DTNBP1: variants seen among roughly 807,000 people sequenced by gnomAD.
DTNBP1 encodes dystrobrevin binding protein 1, also known as dysbindin.
A neutral mutation model predicts 42.8 loss-of-function variants in DTNBP1; 35 were observed. The ratio of observed to expected loss-of-function variants is 0.82; its 90% confidence interval spans 0.63 to 1.09. The LOEUF (loss-of-function observed/expected upper bound fraction) is 1.09, where lower values mean the gene tolerates loss of function less well. Among genes scored for constraint, DTNBP1 ranks in the 50% least tolerant of loss-of-function variants. The probability of loss-of-function intolerance (pLI) is 0.00; values close to 1 mark genes in which losing one functional copy is unlikely to be tolerated. For synonymous variants in DTNBP1, 171 were observed against 162.2 expected (o/e 1.05, Z -0.41); for missense variants, 457 against 424.2 (o/e 1.08, Z -0.68).
At chr6:15,585,651 C>T in intron 7 of DTNBP1, 1 of 1,501,792 alleles carries the variant, frequency 6.7e-7, no homozygotes, top group South Asian at 1.2e-5. Flanking sequence ...AGCAATGTAT[C>T]CAGGCATGGA....
At position 15,570,311 on chromosome 6, in the gene DTNBP1, T is replaced by A. The variant is rs370397877; in HGVS notation, c.511+22748A>T. Among the ~76,000 whole-genome samples, 5 of 152,362 alleles carry A rather than the reference T, an allele frequency of 3.3e-5. No homozygotes were observed. In the South Asian group the frequency reaches 6.2e-4, roughly 19 times the overall value. On this transcript the variant is annotated intron_variant, in intron 7 of 9. Coordinates refer to ENST00000344537, the MANE Select transcript of DTNBP1 (RefSeq NM_032122.5). ...AAGCAACTATCTTACTGTTTTTCTG[T>A]TTCTTCCTTGTAGACTGCCAGCTTC...
At chr6:15,612,787 T>C (rs992968416) in intron 6 of DTNBP1, among the ~76,000 whole-genome samples, 7 of 152,258 alleles carry the variant, frequency 4.6e-5, no homozygotes, top group Non-Finnish European at 8.8e-5. Context: ...CTCAAAATTC[T>C]AGGCCTTCTT....
chr6:15,638,271 G>A lies in DTNBP1; in HGVS notation c.162-467C>T, dbSNP rs571700338. Among the ~76,000 whole-genome samples, 5 of 152,184 alleles carry A rather than the reference G, an allele frequency of 3.3e-5. No homozygotes were observed. The South Asian group carries it at 1.0e-3, about 32-fold the overall frequency. On this transcript the variant is annotated intron_variant, in intron 3 of 9. Coordinates refer to ENST00000344537, the MANE Select transcript of DTNBP1 (RefSeq NM_032122.5). ...GCCTCCCGAGTAGCTGGGATTACAG[G>A]TGTGTGCCACCACGCCCTGCTAATT...
chr6:15,662,286 G>A (rs1251857079), intron 1 of DTNBP1, among the ~76,000 whole-genome samples: 1 of 152,258 alleles, frequency 6.6e-6, no homozygotes, highest in Non-Finnish European at 1.5e-5. Flanking sequence ...CTTGCCAAGG[G>A]TTAGGCCGGC....
At position 15,605,274 on chromosome 6, in the gene DTNBP1, A is replaced by G. The variant is rs577465058; in HGVS notation, c.488+9993T>C. On this transcript the variant is annotated intron_variant, in intron 6 of 9. Coordinates refer to ENST00000344537, the MANE Select transcript of DTNBP1 (RefSeq NM_032122.5). ...TCTAAGGATTATGGTGGCACTGGAAAGATTAAAAATCTAGAAGGTTGAGAT... is the reference window on the plus strand; with the variant it reads ...TCTAAGGATTATGGTGGCACTGGAAGGATTAAAAATCTAGAAGGTTGAGAT... 3.9e-5 allele frequency among the ~76,000 whole-genome samples: 6 copies of G among 152,374 alleles called. No homozygotes were observed. In the South Asian group the frequency reaches 1.2e-3, roughly 32 times the overall value.
At chr6:15,619,246 TGAG>T (rs1758902118) in intron 5 of DTNBP1, among the ~76,000 whole-genome samples, 1 of 152,214 alleles carries the variant, frequency 6.6e-6, no homozygotes, top group Non-Finnish European at 1.5e-5. Flanking sequence ...AAATGATGTT[TGAG>T]GAGATGGATA....
At chr6:15,583,160 T>C (rs1221001825) in intron 7 of DTNBP1, among the ~76,000 whole-genome samples, 1 of 152,158 alleles carries the variant, frequency 6.6e-6, no homozygotes, top group Non-Finnish European at 1.5e-5. Flanking sequence ...TTTAAATTTT[T>C]TTGTAGAGCG....
chr6:15,616,472 A>G (rs536708041), intron 5 of DTNBP1, among the ~76,000 whole-genome samples: 20 of 152,320 alleles, frequency 1.3e-4, no homozygotes, highest in Admixed American at 1.2e-3. Context: ...AAGGAACTCA[A>G]AGGAGTGGCA....
At chr6:15,543,629 T>C (rs1400754861) in intron 7 of DTNBP1, among the ~76,000 whole-genome samples, 5 of 152,240 alleles carry the variant, frequency 3.3e-5, no homozygotes, top group Non-Finnish European at 2.9e-5. Context: ...AATATGTCAG[T>C]ATGTTCAGCT....
At position 15,585,064 on chromosome 6, in the gene DTNBP1, A is replaced by AAT. The variant is rs59261831; in HGVS notation, c.511+7993_511+7994dup. 4.4e-3 allele frequency among the ~76,000 whole-genome samples: 530 copies of AAT among 119,258 alleles called. 8 individuals carry two copies. The highest frequency in any genetic ancestry group is 5.4e-3 in the Non-Finnish European group (312 of 58,124). 78.2% of individuals were successfully genotyped at this position (119,258 alleles called of 152,430 possible). A position where few individuals can be genotyped will look rare whatever the true frequency, so the allele number is the denominator to read the frequency against. ...TGAAGTTATATGAAATTATGAAAAGAATATATATATATATATATATATATA... is the reference window on the plus strand; with the variant it reads ...TGAAGTTATATGAAATTATGAAAAGAATATATATATATATATATATATATATA... On this transcript the variant is annotated intron_variant, in intron 7 of 9. Transcript: ENST00000344537.
intron 4 of DTNBP1, among the ~76,000 whole-genome samples, chr6:15,634,945 C>A (rs1490849346): frequency 6.6e-6 from 1 of 152,168 alleles, no homozygotes; most frequent in Admixed American, 6.5e-5. Flanking sequence ...GAATTACATT[C>A]TTTAGAAGTT....
At chr6:15,636,253 C>T (rs982788759) in intron 4 of DTNBP1, among the ~76,000 whole-genome samples, 2 of 150,972 alleles carry the variant, frequency 1.3e-5, no homozygotes, top group Admixed American at 6.6e-5. Flanking sequence ...CAGGTTGAAG[C>T]GATTCTTCTG....
intron 9 of DTNBP1, chr6:15,523,611 G>A (rs1293273393): frequency 7.0e-6 from 9 of 1,286,908 alleles, no homozygotes; most frequent in South Asian, 1.2e-5. Context: ...CCACTGCTGA[G>A]AAAGTCGGAA....
intron 3 of DTNBP1, among the ~76,000 whole-genome samples, chr6:15,641,137 C>A (rs925896396): frequency 3.3e-5 from 5 of 152,322 alleles, no homozygotes; most frequent in African/African-American, 1.2e-4. Context: ...GTTCCCCTTT[C>A]CCTCTTGGAG....
rs68006607 is a variant in DTNBP1, at chr6:15,586,532, T to TA, written c.511+6526dup. On this transcript the variant is annotated intron_variant, in intron 7 of 9. Transcript: ENST00000344537. ...AATATACTCAACTTCCTCCCAAAAT[T>TA]AAAAAAAAAAATCCTCCCTTCAACC... Among the ~76,000 whole-genome samples, 280 of 147,834 alleles carry TA rather than the reference T, an allele frequency of 1.9e-3. 1 individual carries two copies. Among genetic ancestry groups the TA allele is most frequent in the Middle Eastern group, 6.8e-3 (2 of 292 alleles).
At chr6:15,628,916 T>C (rs952902054) in intron 4 of DTNBP1, among the ~76,000 whole-genome samples, 4 of 152,232 alleles carry the variant, frequency 2.6e-5, no homozygotes, top group African/African-American at 9.6e-5. Context: ...CATCTCCCTG[T>C]GGTTTCTCAG....
intron 7 of DTNBP1, among the ~76,000 whole-genome samples, chr6:15,549,555 G>A (rs1042619557): frequency 8.0e-5 from 12 of 149,128 alleles, no homozygotes. Flanking sequence ...CAGGCTGGAT[G>A]TGGGTGGCAG....
chr6:15,541,875 A>G (rs1007699961), intron 7 of DTNBP1, among the ~76,000 whole-genome samples: 2 of 152,230 alleles, frequency 1.3e-5, no homozygotes, highest in Middle Eastern at 3.2e-3. Flanking sequence ...TAACCGAGAT[A>G]GGTAATAAAT....
intron 7 of DTNBP1, among the ~76,000 whole-genome samples, chr6:15,579,043 T>G (rs1320438412): frequency 3.9e-5 from 6 of 152,232 alleles, no homozygotes; most frequent in African/African-American, 1.4e-4. Flanking sequence ...ATCCCACTAC[T>G]GGATATTTAC....
Sources: gnomAD v4.1 joint callset for allele counts (sites outside exome capture counted in the v4.1 genomes callset) on GRCh38, gnomAD v4.1.1 for gene constraint, MANE v1.5 for transcripts, NCBI Gene and HGNC (gene_info 2026-07-23, HGNC 2026-07-21) for gene names.